PCSK5: variants seen among roughly 807,000 people sequenced by gnomAD.
PCSK5 encodes prohormone convertase 5.
A neutral mutation model predicts 233.2 loss-of-function variants in PCSK5; 129 were observed. That is an observed-to-expected ratio of 0.55 (90% CI 0.48 to 0.64). PCSK5 has a LOEUF of 0.64. PCSK5 is among the 30% of genes least tolerant of loss of function. The pLI, the probability that PCSK5 is intolerant of heterozygous loss-of-function variation, is 0.00. For synonymous variants in PCSK5, 825 were observed against 879.2 expected, an observed-to-expected ratio of 0.94 and a Z score of 1.09; for missense variants, 2,076 against 2,430.1, an observed-to-expected ratio of 0.85 and a Z score of 3.06.
chr9:76,079,226 C>T (rs1005065847), intron 7 of PCSK5, among the ~76,000 whole-genome samples: 2 of 151,764 alleles, frequency 1.3e-5, no homozygotes, highest in Non-Finnish European at 2.9e-5. Context: ...GCCTCAGACT[C>T]CCAAGTAGCT....
At chr9:76,338,474 G>T in intron 35 of PCSK5, 27 bp downstream of exon 35, 1 of 1,488,668 alleles carries the variant, frequency 6.7e-7, no homozygotes, top group Non-Finnish European at 9.4e-7. Flanking sequence ...CATTTTGCAT[G>T]AGTGCGTAGA....
rs1271166779 is a variant in PCSK5 at position 76,071,754 on chromosome 9, G to A, written c.750G>A (p.Thr250=). The change falls in exon 7 of 38, where the codon ACG becomes ACA. Residue 250 remains threonine, a synonymous_variant. Coordinates refer to ENST00000674117, the MANE Select transcript of PCSK5 (RefSeq NM_001372043.1). ...GGVRMLDGDV[T]DMVEAKSVSF... ...TGCGAATGCTGGACGGAGATGTCAC[G>A]GACATGGTTGAAGCAAAATCAGTTA... 6.8e-6 allele frequency: 11 copies of A among 1,613,748 alleles called. No homozygotes were observed. Among genetic ancestry groups the A allele is most frequent in the East Asian group, 2.2e-5 (1 of 44,888 alleles).
chr9:76,241,425 G>C (rs1826428216), intron 24 of PCSK5, among the ~76,000 whole-genome samples: 2 of 152,206 alleles, frequency 1.3e-5, no homozygotes, highest in Admixed American at 1.3e-4. Context: ...CTGGGCGACA[G>C]AGCCAGACTC....
At chr9:76,291,744 A>C (rs1191009026) in intron 24 of PCSK5, among the ~76,000 whole-genome samples, 1 of 152,202 alleles carries the variant, frequency 6.6e-6, no homozygotes, top group East Asian at 1.9e-4. Flanking sequence ...GCGTAACATG[A>C]AGTGGATACT....
chr9:76,152,983 A>T (rs1823736128), intron 10 of PCSK5, among the ~76,000 whole-genome samples: 1 of 152,218 alleles, frequency 6.6e-6, no homozygotes, highest in African/African-American at 2.4e-5. Context: ...CCATCTGACT[A>T]TTCCAAGCAG....
At chr9:76,350,258 G>T (rs1381968628) in intron 35 of PCSK5, among the ~76,000 whole-genome samples, 1 of 152,124 alleles carries the variant, frequency 6.6e-6, no homozygotes, top group Non-Finnish European at 1.5e-5. Flanking sequence ...TTTAAAATGA[G>T]AAATAAATAA....
chr9:76,181,437 C>A lies in PCSK5; in HGVS notation c.2043C>A (p.Ala681=). Residue 681 remains alanine, a synonymous_variant, in exon 16 of 38, where the codon GCC becomes GCA. Coordinates refer to ENST00000674117, the MANE Select transcript of PCSK5 (RefSeq NM_001372043.1). ...VSSCPPGHYH[A]DKKRCRKCAP... is the part of the protein sequence containing the mutation. Reference sequence around the variant, plus strand: ...GCTGCCCCCCTGGCCACTACCACGCCGACAAGAAGCGCTGCAGGAAGTGTG... The same window carrying A: ...GCTGCCCCCCTGGCCACTACCACGCAGACAAGAAGCGCTGCAGGAAGTGTG... The A allele has an allele frequency of 6.2e-7, 1 of 1,613,910 alleles. No homozygotes were observed. The highest frequency in any genetic ancestry group is 8.5e-7 in the Non-Finnish European group (1 of 1,179,892).
intron 25 of PCSK5, among the ~76,000 whole-genome samples, chr9:76,294,377 C>T (rs1057385194): frequency 7.9e-5 from 12 of 152,200 alleles, no homozygotes; most frequent in East Asian, 3.9e-4. Flanking sequence ...TAACAGATAA[C>T]GTACATAAAA....
chr9:76,279,565 C>T (rs900698539), intron 24 of PCSK5, among the ~76,000 whole-genome samples: 11 of 151,900 alleles, frequency 7.2e-5, no homozygotes, highest in African/African-American at 2.2e-4. Context: ...CACATCCTCT[C>T]CAGCACCTGT....
rs1564125125 is a variant in PCSK5, at chr9:76,233,534, G to A, written c.2804G>A (p.Cys935Tyr). The change falls in exon 22 of 38, where the codon TGC (cysteine) becomes TAC (tyrosine). Residue 935 changes from cysteine (C) to tyrosine (Y), a missense_variant. Cys to Tyr is a radical substitution (Grantham distance 194). Around this residue, in one of 6 missense-constraint regions of PCSK5, gnomAD observed 1,510 missense variants for 1,538.1 expected, o/e 0.98. Coordinates refer to ENST00000674117, the MANE Select transcript of PCSK5 (RefSeq NM_001372043.1). ...GAATTTGAGAACCAATGCCATCCAT[G>A]CCACCACACCTGCCAGAGATGCCAA... The part of the protein sequence containing the change: ...KFEFENQCHP[C>Y]HHTCQRCQGS... 6.2e-7 allele frequency: 1 copy of A among 1,612,294 alleles called. No homozygotes were observed. Among genetic ancestry groups the A allele is most frequent in the South Asian group, 1.1e-5 (1 of 91,078 alleles).
At chr9:76,086,183 G>A (rs1301826955) in intron 7 of PCSK5, among the ~76,000 whole-genome samples, 1 of 152,082 alleles carries the variant, frequency 6.6e-6, no homozygotes, top group Non-Finnish European at 1.5e-5. Context: ...CTTTTGGCAG[G>A]TGTGAGAATA....
At chr9:76,329,169 A>G (rs1333706239) in intron 33 of PCSK5, among the ~76,000 whole-genome samples, 1 of 151,390 alleles carries the variant, frequency 6.6e-6, no homozygotes, top group East Asian at 2.0e-4. Flanking sequence ...GGCCAGGCGC[A>G]GTACCCAGGC....
chr9:76,185,791 A>T (rs187690684), intron 17 of PCSK5, among the ~76,000 whole-genome samples: 8 of 152,274 alleles, frequency 5.3e-5, no homozygotes, highest in African/African-American at 1.9e-4. Flanking sequence ...AAGTCACTTA[A>T]CTACTCCGAG....
intron 2 of PCSK5, among the ~76,000 whole-genome samples, chr9:75,976,602 A>C (rs1826033430): frequency 6.7e-6 from 1 of 150,250 alleles, no homozygotes; most frequent in Non-Finnish European, 1.5e-5. Flanking sequence ...AGTAAAGCCA[A>C]AAAAAAAAAT....
rs1444076225 is a variant in PCSK5 at position 76,310,738 on chromosome 9, C to A, written c.3771C>A (p.Asn1257Lys). Residue 1257 changes from asparagine to lysine, a missense_variant, in exon 30 of 38, where the codon AAC (asparagine) becomes AAA (lysine). Transcript: ENST00000674117. ...CCGTAAGGAGTGGGAGCTGCGAGAA[C>A]TGTACGGAGGCCTGTGCCATCTGCT... is the stretch of plus-strand genomic sequence containing the variant. ...WPSVRSGSCE[N>K]CTEACAICSG... 1 of 1,612,324 alleles carries A rather than the reference C, an allele frequency of 6.2e-7. No homozygotes were observed. The highest frequency in any genetic ancestry group is 1.7e-5 in the Admixed American group (1 of 59,972).
chr9:76,028,438 C>T (rs534296175), intron 5 of PCSK5, among the ~76,000 whole-genome samples: 1 of 152,176 alleles, frequency 6.6e-6, no homozygotes, highest in Admixed American at 6.5e-5. Context: ...TGGGTAGCGA[C>T]TTAGGAAGTG....
chr9:76,117,681 C>T (rs927094271), intron 9 of PCSK5, among the ~76,000 whole-genome samples: 2 of 152,066 alleles, frequency 1.3e-5, no homozygotes, highest in African/African-American at 4.8e-5. Flanking sequence ...ATTTAGAAAC[C>T]TGCCTGTATA....
rs1164133643 is a variant in PCSK5, at chr9:76,064,389, A to T, written c.633-3566A>T. Among the ~76,000 whole-genome samples the T allele has an allele frequency of 8.5e-5, 7 of 82,490 alleles. No individual in the cohort carries two copies. In the South Asian group the frequency reaches 1.7e-3, roughly 21 times the overall value. The allele number at this position is 82,490 out of a possible 152,430, so 54.1% of individuals were successfully genotyped here. A position where few individuals can be genotyped will look rare whatever the true frequency, so the allele number is the denominator to read the frequency against. ...CCCCCCCACCTCCCTCCCGGACGGC[A>T]CGGCTGGCCAGGCGGGGGGCTGACC... On this transcript the variant is annotated intron_variant, in intron 5 of 37. Coordinates refer to ENST00000674117, the MANE Select transcript of PCSK5 (RefSeq NM_001372043.1).
At position 76,321,647 on chromosome 9, in the gene PCSK5, G is replaced by C; in HGVS notation, c.4102+8G>C. On this transcript the variant is annotated splice_region_variant and intron_variant, in intron 31 of 37. Coordinates refer to ENST00000674117, the MANE Select transcript of PCSK5 (RefSeq NM_001372043.1). ...ATGAGAAAACATGCAAAGGTACCTA[G>C]GAGCTTCCCACAGGAGAGCAAGGCT... The C allele has an allele frequency of 6.3e-7, 1 of 1,594,174 alleles. No individual in the cohort carries two copies.
Sources: allele counts gnomAD v4.1 joint callset (sites outside exome capture counted in the v4.1 genomes callset), GRCh38; gene constraint gnomAD v4.1.1; regional missense constraint gnomAD v4.1.1; transcripts MANE v1.5; gene names NCBI Gene and HGNC (gene_info 2026-07-23, HGNC 2026-07-21).